The following KCNH1 variants were observed in gnomAD, a reference collection of about 807,000 sequenced individuals.
The protein encoded by KCNH1 is potassium voltage-gated channel subfamily H member 1, also known as voltage-gated delayed rectifier potassium channel KCNH1.
KCNH1 carries 27 observed loss-of-function variants against 69.2 expected under a neutral mutation model. The observed-to-expected ratio is 0.39, with a 90% CI of 0.29 to 0.54. The LOEUF (loss-of-function observed/expected upper bound fraction) is 0.54, where lower values mean the gene tolerates loss of function less well. Ranked by LOEUF, KCNH1 falls within the 20% of genes least tolerant of loss-of-function variation. The probability of loss-of-function intolerance (pLI) is 0.68; values close to 1 mark genes in which losing one functional copy is unlikely to be tolerated. For missense variants in KCNH1, 798 were observed against 1,261.6 expected (o/e 0.63, Z 5.57); for synonymous variants, 456 against 487.7 (o/e 0.93, Z 0.86).
chr1:210,838,757 T>C (rs770767671), intron 7 of KCNH1, among the ~76,000 whole-genome samples: 16 of 152,164 alleles, frequency 1.1e-4, no homozygotes, highest in Non-Finnish European at 1.9e-4. Context: ...GCAAAAGACA[T>C]GAACAGACAC....
chr1:210,721,155 G>C (rs1174776930), intron 10 of KCNH1, among the ~76,000 whole-genome samples: 1 of 152,028 alleles, frequency 6.6e-6, no homozygotes, highest in African/African-American at 2.4e-5. Flanking sequence ...TCCTGCTTCA[G>C]CTCAGGGTTC....
intron 5 of KCNH1, 76 bp from the exon 6 acceptor site, chr1:211,019,332 A>G: frequency 3.3e-6 from 3 of 902,180 alleles, no homozygotes; most frequent in South Asian, 1.6e-5. Context: ...AGCATCAGTG[A>G]TTGACAAATG....
intron 5 of KCNH1, among the ~76,000 whole-genome samples, chr1:211,078,686 T>C (rs12746358): frequency 0.34 from 52,076 of 151,794 alleles, 9,084 homozygotes; most frequent in African/African-American, 0.36. Context: ...AAAATTGACA[T>C]CCTAACATCA....
chr1:211,001,714 C>T (rs1185098935), intron 6 of KCNH1, among the ~76,000 whole-genome samples: 5 of 152,096 alleles, frequency 3.3e-5, no homozygotes, highest in Admixed American at 2.0e-4. Context: ...CTCATGTACA[C>T]GTATGTTTAT....
chr1:211,078,917 CAAAAAAAAA>C (rs769981174), intron 5 of KCNH1, among the ~76,000 whole-genome samples: 12 of 83,058 alleles, frequency 1.4e-4, no homozygotes, highest in Non-Finnish European at 2.0e-4. Flanking sequence ...GACTCCGTCT[CAAAAAAAAA>C]AAAAAAAAAA....
At chr1:211,035,277 C>A (rs1689875586) in intron 5 of KCNH1, among the ~76,000 whole-genome samples, 1 of 104,968 alleles carries the variant, frequency 9.5e-6, no homozygotes. Context: ...GAGACGGAGT[C>A]TCGCTCTGTC....
chr1:211,133,764 C>A lies in KCNH1; in HGVS notation c.79+103G>T. 1.8e-6 allele frequency: 2 copies of A among 1,108,416 alleles called. No individual in the cohort carries two copies. The highest frequency in any genetic ancestry group is 1.4e-5 in the South Asian group (1 of 72,106). The allele number at this position is 1,108,416 out of a possible 1,614,324, so 68.7% of individuals were successfully genotyped here. ...CCCGCGCCGCGGCTCCTTAGCAGAG[C>A]TCGCGGGTTCTGCTGCATCTGCTGG... On this transcript the variant is annotated intron_variant, in intron 1 of 10. Coordinates refer to ENST00000271751, the MANE Select transcript of KCNH1 (RefSeq NM_172362.3). The surrounding 1 kb of genome is among the most constrained non-coding windows in gnomAD (Gnocchi z 5.4).
chr1:210,806,107 G>A (rs77716836), intron 7 of KCNH1, among the ~76,000 whole-genome samples: 4,848 of 152,200 alleles, frequency 0.032, 247 homozygotes, highest in African/African-American at 0.11. Flanking sequence ...GGGTCATACG[G>A]TTACTAGGTT....
chr1:211,001,387 T>C lies in KCNH1; in HGVS notation c.1032+17396A>G, dbSNP rs186097596. ...CAGACACTTCTCAAAAGAAGACATT[T>C]ATGCAGCCAAAAGACACATGAAAAA... On this transcript the variant is annotated intron_variant, in intron 6 of 10. Coordinates refer to ENST00000271751, the MANE Select transcript of KCNH1 (RefSeq NM_172362.3). Among the ~76,000 whole-genome samples, 768 of 152,278 alleles carry C rather than the reference T, an allele frequency of 5.0e-3. 9 individuals carry two copies. Among genetic ancestry groups the C allele is most frequent in the African/African-American group, 0.018 (732 of 41,548 alleles).
intron 4 of KCNH1, among the ~76,000 whole-genome samples, chr1:211,083,977 A>G (rs1180364023): frequency 6.6e-6 from 1 of 152,202 alleles, no homozygotes; most frequent in Non-Finnish European, 1.5e-5. Flanking sequence ...ATATAATAAG[A>G]ATAGCAAATC....
At chr1:210,743,697 A>G (rs1193448202) in intron 10 of KCNH1, among the ~76,000 whole-genome samples, 1 of 152,208 alleles carries the variant, frequency 6.6e-6, no homozygotes, top group East Asian at 1.9e-4. Flanking sequence ...AACAGCCACA[A>G]GTCTGCAGGT....
chr1:210,872,205 A>G (rs1686268214), intron 7 of KCNH1, among the ~76,000 whole-genome samples: 1 of 150,914 alleles, frequency 6.6e-6, no homozygotes, highest in Non-Finnish European at 1.5e-5. Flanking sequence ...TACTTTATAT[A>G]GTGCCTGTAC....
chr1:211,053,144 T>C (rs1460845142), intron 5 of KCNH1, among the ~76,000 whole-genome samples: 2 of 152,264 alleles, frequency 1.3e-5, no homozygotes, highest in Non-Finnish European at 2.9e-5. Context: ...CAGTGTAAAC[T>C]GGCCCAACCT....
chr1:210,691,400 C>T (rs1681525106), intron 10 of KCNH1, among the ~76,000 whole-genome samples: 1 of 151,828 alleles, frequency 6.6e-6, no homozygotes, highest in African/African-American at 2.4e-5. Context: ...GAAACCCCAG[C>T]AGGTGGGTAC....
chr1:211,053,673 A>G (rs1365122088), intron 5 of KCNH1, among the ~76,000 whole-genome samples: 3 of 152,204 alleles, frequency 2.0e-5, no homozygotes, highest in African/African-American at 2.4e-5. Flanking sequence ...TCCAAGGCTA[A>G]AACTCTTACA....
chr1:210,713,113 C>T (rs1456698545), intron 10 of KCNH1, among the ~76,000 whole-genome samples: 2 of 152,148 alleles, frequency 1.3e-5, no homozygotes. Flanking sequence ...TTTTTCTTCT[C>T]TACCTTGGTT....
At chr1:210,965,172 C>T (rs540401975) in intron 6 of KCNH1, among the ~76,000 whole-genome samples, 1 of 152,270 alleles carries the variant, frequency 6.6e-6, no homozygotes, top group African/African-American at 2.4e-5. Context: ...TGGAAGCATT[C>T]CCTTTGAAAA....
chr1:210,690,296 G>A (rs1681501639), intron 10 of KCNH1, among the ~76,000 whole-genome samples: 1 of 152,208 alleles, frequency 6.6e-6, no homozygotes, highest in African/African-American at 2.4e-5. Flanking sequence ...CTGTCTGAGA[G>A]CACTCAGCAG....
intron 7 of KCNH1, among the ~76,000 whole-genome samples, chr1:210,881,563 C>A (rs1454427355): frequency 2.0e-5 from 3 of 152,138 alleles, no homozygotes; most frequent in Non-Finnish European, 4.4e-5. Context: ...GAAACTTATG[C>A]CCACACAAAA....
Sources: gnomAD v4.1 joint callset for allele counts (sites outside exome capture counted in the v4.1 genomes callset) on GRCh38, gnomAD v4.1.1 for gene constraint, Gnocchi (gnomAD v3.1) non-coding constraint, MANE v1.5 for transcripts, NCBI Gene and HGNC (gene_info 2026-07-23, HGNC 2026-07-21) for gene names.